PRKN: variants seen among roughly 807,000 people sequenced by gnomAD.
The protein encoded by PRKN is parkin RBR E3 ubiquitin protein ligase.
Under a neutral mutation model 59.5 loss-of-function variants are expected in PRKN, and 56 were observed. The ratio of observed to expected loss-of-function variants is 0.94; its 90% CI spans 0.76 to 1.18. PRKN has a LOEUF of 1.18. PRKN is among the 50% of genes most tolerant of loss of function. The pLI, the probability that PRKN is intolerant of heterozygous loss-of-function variation, is 0.00. For missense variants in PRKN, 657 were observed against 596.4 expected (o/e 1.10, Z -1.06); for synonymous variants, 250 against 222.1 (o/e 1.13, Z -1.12).
At chr6:162,273,851 G>A (rs992628862) in intron 2 of PRKN, among the ~76,000 whole-genome samples, 2 of 151,996 alleles carry the variant, frequency 1.3e-5, no homozygotes, top group African/African-American at 4.8e-5. Flanking sequence ...AATTATCATG[G>A]ATAAATGATA....
chr6:161,863,495 A>T (rs547154667), intron 6 of PRKN, among the ~76,000 whole-genome samples: 7 of 152,200 alleles, frequency 4.6e-5, no homozygotes, highest in Non-Finnish European at 7.3e-5. Flanking sequence ...ACTGTACAAC[A>T]GTGTCCTACT....
At chr6:162,078,447 G>T (rs557026838) in intron 4 of PRKN, among the ~76,000 whole-genome samples, 15 of 152,140 alleles carry the variant, frequency 9.9e-5, no homozygotes, top group Admixed American at 3.9e-4. Context: ...GAGCTTGCTT[G>T]TTATCCCAAA....
At chr6:162,593,043 G>A (rs2128214689) in intron 1 of PRKN, among the ~76,000 whole-genome samples, 1 of 152,154 alleles carries the variant, frequency 6.6e-6, no homozygotes, top group African/African-American at 2.4e-5. Context: ...ACCAGACCAA[G>A]GAGAGACAAG....
chr6:161,557,879 ACTCAGGTACAGCT>A (rs1340394281), intron 8 of PRKN, among the ~76,000 whole-genome samples: 1 of 152,010 alleles, frequency 6.6e-6, no homozygotes, highest in Non-Finnish European at 1.5e-5. Context: ...TTTTGGGGGC[ACTCAGGTACAGCT>A]CTTGGGTCTC....
rs1784686982 is a variant in PRKN at position 161,354,751 on chromosome 6, A to T, written c.1286-4540T>A. Among the ~76,000 whole-genome samples, 1 of 152,232 alleles carries T rather than the reference A, an allele frequency of 6.6e-6. No individual in the cohort carries two copies. The highest frequency in any genetic ancestry group is 6.5e-5 in the Admixed American group (1 of 15,286). On this transcript the variant is annotated intron_variant, in intron 11 of 11. Transcript: ENST00000366898. The surrounding 1 kb of genome is among the most constrained non-coding windows in gnomAD (Gnocchi z 6.7). ...TAGAGGCTATGTCGGTTTCGGTTAC[A>T]GTGATGCACTTTTAAACAGTTTAGG...
chr6:162,133,302 G>A (rs1019549230), intron 4 of PRKN, among the ~76,000 whole-genome samples: 5 of 152,176 alleles, frequency 3.3e-5, no homozygotes, highest in Non-Finnish European at 7.3e-5. Flanking sequence ...CTAGCTGGAG[G>A]TAGCGTCAGC....
intron 1 of PRKN, among the ~76,000 whole-genome samples, chr6:162,572,262 G>A (rs1025010545): frequency 1.3e-5 from 2 of 152,120 alleles, no homozygotes; most frequent in African/African-American, 2.4e-5. Flanking sequence ...ATGATCTCCT[G>A]CATAATGTTA....
At chr6:161,913,365 A>T (rs1208222912) in intron 6 of PRKN, among the ~76,000 whole-genome samples, 1 of 152,306 alleles carries the variant, frequency 6.6e-6, no homozygotes, top group African/African-American at 2.4e-5. Flanking sequence ...TCAATACAAT[A>T]GGACTCAAAA....
At chr6:162,652,835 A>C (rs1778496820) in intron 1 of PRKN, among the ~76,000 whole-genome samples, 1 of 151,914 alleles carries the variant, frequency 6.6e-6, no homozygotes, top group African/African-American at 2.4e-5. Flanking sequence ...TTGAGAACTA[A>C]CCCCCCGATA....
chr6:162,563,269 A>G (rs1419601775), intron 1 of PRKN, among the ~76,000 whole-genome samples: 1 of 151,802 alleles, frequency 6.6e-6, no homozygotes, highest in Non-Finnish European at 1.5e-5. Flanking sequence ...GCGCCACTGC[A>G]CTCCAGCTTC....
intron 5 of PRKN, among the ~76,000 whole-genome samples, chr6:162,025,759 T>C (rs1292612532): frequency 6.6e-6 from 1 of 151,638 alleles, no homozygotes; most frequent in African/African-American, 2.4e-5. Flanking sequence ...TAATTTTTTT[T>C]CATATTTTTA....
intron 1 of PRKN, among the ~76,000 whole-genome samples, chr6:162,705,673 A>G (rs1310457168): frequency 2.0e-5 from 3 of 152,238 alleles, no homozygotes; most frequent in Non-Finnish European, 4.4e-5. Context: ...CAAGATTCTT[A>G]TCTGCTCTGC....
At chr6:161,990,554 T>C (rs1781606869) in intron 5 of PRKN, among the ~76,000 whole-genome samples, 1 of 152,148 alleles carries the variant, frequency 6.6e-6, no homozygotes, top group Non-Finnish European at 1.5e-5. Context: ...AAGAGAAAGA[T>C]ATTTTTAAAA....
chr6:162,689,671 G>A (rs1364602910), intron 1 of PRKN, among the ~76,000 whole-genome samples: 1 of 152,110 alleles, frequency 6.6e-6, no homozygotes, highest in Non-Finnish European at 1.5e-5. Flanking sequence ...AAGTCTCCAG[G>A]AAAAGGAACA....
intron 2 of PRKN, among the ~76,000 whole-genome samples, chr6:162,293,936 C>T (rs7341306): frequency 7.2e-5 from 11 of 152,212 alleles, no homozygotes; most frequent in African/African-American, 2.2e-4. Context: ...CCTCGGCCTC[C>T]GAAAGTGCTG....
At chr6:161,992,435 A>C (rs1488526679) in intron 5 of PRKN, among the ~76,000 whole-genome samples, 1 of 152,222 alleles carries the variant, frequency 6.6e-6, no homozygotes, top group African/African-American at 2.4e-5. Flanking sequence ...ATGTGTACCC[A>C]ATAGCAGAGC....
chr6:162,248,928 G>A (rs1206037263), intron 3 of PRKN, among the ~76,000 whole-genome samples: 2 of 151,642 alleles, frequency 1.3e-5, no homozygotes, highest in African/African-American at 4.9e-5. Flanking sequence ...CACCAGGCTG[G>A]AGTGCAGTGG....
intron 9 of PRKN, among the ~76,000 whole-genome samples, chr6:161,504,487 G>C (rs981631665): frequency 5.9e-5 from 9 of 152,058 alleles, no homozygotes; most frequent in Admixed American, 5.9e-4. Flanking sequence ...AGGAGTTGTT[G>C]CAGGGATAAA....
chr6:162,619,728 ACACACT>A (rs1782580884), intron 1 of PRKN, among the ~76,000 whole-genome samples: 1 of 152,072 alleles, frequency 6.6e-6, no homozygotes, highest in African/African-American at 2.4e-5. Flanking sequence ...ACACACACAC[ACACACT>A]ACCGCAGATA....
Sources: gnomAD v4.1 joint callset for allele counts (sites outside exome capture counted in the v4.1 genomes callset) on GRCh38, gnomAD v4.1.1 for gene constraint, Gnocchi (gnomAD v3.1) non-coding constraint, MANE v1.5 for transcripts, NCBI Gene and HGNC (gene_info 2026-07-23, HGNC 2026-07-21) for gene names.